HTR2C: variants seen among roughly 807,000 people sequenced by gnomAD.
HTR2C encodes 5-hydroxytryptamine (serotonin) receptor 2C, G protein-coupled.
HTR2C carries 5 observed loss-of-function variants against 21.0 expected under a neutral mutation model. That is an observed-to-expected ratio of 0.24 (90% CI 0.12 to 0.50). HTR2C has a LOEUF of 0.50. Ranked by LOEUF, HTR2C falls within the 20% of genes least tolerant of loss-of-function variation. The pLI is 0.98. For synonymous variants in HTR2C, 150 were observed against 145.3 expected, an observed-to-expected ratio of 1.03 and a Z score of -0.23; for missense variants, 271 against 371.2, an observed-to-expected ratio of 0.73 and a Z score of 2.22.
chrX:114,867,709 T>C (rs1487119100), intron 5 of HTR2C, among the ~76,000 whole-genome samples: 6 of 112,135 alleles, frequency 5.4e-5, no homozygotes, highest in Non-Finnish European at 1.1e-4. Flanking sequence ...GGTCTAGTTC[T>C]ATTATTCTGC....
intron 5 of HTR2C, among the ~76,000 whole-genome samples, chrX:114,887,033 T>C (rs148796961): frequency 0.026 from 2,967 of 112,082 alleles, 116 homozygotes; most frequent in African/African-American, 0.092. Flanking sequence ...AATGGGAATA[T>C]GCATGCCATA....
intron 5 of HTR2C, among the ~76,000 whole-genome samples, chrX:114,892,677 T>C (rs1285675701): frequency 9.1e-6 from 1 of 110,352 alleles, no homozygotes; most frequent in Non-Finnish European, 1.9e-5. Flanking sequence ...ATAAAAAATA[T>C]AGTACCCTTA....
Position 114,906,569 on chromosome X carries a change from C to T in HTR2C, c.551-20C>T, listed in dbSNP as rs1556486711. On this transcript the variant is annotated intron_variant, in intron 5 of 5. Transcript: ENST00000276198. ...TCCTTCAAGATGCTATAACAACCCC[C>T]TTCCTTTTTCTTCCTTTAGGTGTAT... 1 of 1,091,467 alleles carries T rather than the reference C, an allele frequency of 9.2e-7. No homozygotes were observed. The allele number at this position is 1,091,467 out of a possible 1,213,427, so 89.9% of individuals were successfully genotyped here.
chrX:114,679,501 A>G (rs1931679818), intron 2 of HTR2C, among the ~76,000 whole-genome samples: 1 of 110,223 alleles, frequency 9.1e-6, no homozygotes, highest in Admixed American at 9.8e-5. Context: ...CTGGTCTTGA[A>G]TTCCCGGACT....
chrX:114,731,929 G>A (rs1458665354), intron 4 of HTR2C, among the ~76,000 whole-genome samples: 1 of 111,569 alleles, frequency 9.0e-6, no homozygotes, highest in Non-Finnish European at 1.9e-5. Context: ...TTCAACCCCT[G>A]TGTTCTGGGC....
intron 2 of HTR2C, among the ~76,000 whole-genome samples, chrX:114,630,465 C>T: frequency 8.9e-6 from 1 of 111,906 alleles, no homozygotes; most frequent in Non-Finnish European, 1.9e-5. Flanking sequence ...GGACTAGACT[C>T]TTTGCAAGTT....
chrX:114,589,277 C>A (rs1927532355), intron 1 of HTR2C, among the ~76,000 whole-genome samples: 1 of 111,588 alleles, frequency 9.0e-6, no homozygotes, highest in South Asian at 3.8e-4. Flanking sequence ...AGAAGTAGAG[C>A]AAATGAGAAT....
intron 5 of HTR2C, among the ~76,000 whole-genome samples, chrX:114,882,190 C>T (rs1385273919): frequency 9.1e-6 from 1 of 110,395 alleles, no homozygotes; most frequent in Non-Finnish European, 1.9e-5. Context: ...ATTATGTATA[C>T]TTATTTTATA....
chrX:114,859,077 G>A (rs1490949259), intron 5 of HTR2C, among the ~76,000 whole-genome samples: 1 of 109,442 alleles, frequency 9.1e-6, no homozygotes, highest in Non-Finnish European at 1.9e-5. Flanking sequence ...TAGTTAGGAT[G>A]TTTTAATCCA....
chrX:114,856,214 A>G (rs1311623764), intron 5 of HTR2C, among the ~76,000 whole-genome samples: 1 of 107,543 alleles, frequency 9.3e-6, no homozygotes, highest in Non-Finnish European at 1.9e-5. Context: ...GTGAACTCCC[A>G]TTCACAATTG....
At chrX:114,840,715 T>G (rs1556465348) in intron 4 of HTR2C, among the ~76,000 whole-genome samples, 1 of 111,983 alleles carries the variant, frequency 8.9e-6, no homozygotes. Context: ...TTCTGATGAT[T>G]AATCTAAGAA....
intron 2 of HTR2C, among the ~76,000 whole-genome samples, chrX:114,688,736 G>A (rs1389887366): frequency 8.9e-6 from 1 of 111,783 alleles, no homozygotes; most frequent in African/African-American, 3.3e-5. Flanking sequence ...TAACAAATCA[G>A]ACTGAACAGA....
At chrX:114,641,965 A>G (rs1228859212) in intron 2 of HTR2C, among the ~76,000 whole-genome samples, 1 of 110,724 alleles carries the variant, frequency 9.0e-6, no homozygotes, top group Non-Finnish European at 1.9e-5. Context: ...CTCACTGTTC[A>G]GCTCCCACTT....
chrX:114,604,447 G>C lies in HTR2C; in HGVS notation c.-146-9368G>C, dbSNP rs184650093. Among the ~76,000 whole-genome samples the C allele has an allele frequency of 2.2e-3, 240 of 110,030 alleles. 2 individuals are homozygous for C. The highest frequency in any genetic ancestry group is 5.5e-3 in the Admixed American group (57 of 10,381). On this transcript the variant is annotated intron_variant, in intron 1 of 5. Coordinates refer to ENST00000276198, the MANE Select transcript of HTR2C (RefSeq NM_000868.4). ...CTTGAAAAGAAGGTAATGTGGAGTGGGTAGCCTCCGTATTGATTAAGAAGG... is the reference window on the plus strand; with the variant it reads ...CTTGAAAAGAAGGTAATGTGGAGTGCGTAGCCTCCGTATTGATTAAGAAGG...
intron 4 of HTR2C, among the ~76,000 whole-genome samples, chrX:114,761,570 C>T (rs5987818): frequency 0.031 from 3,449 of 110,567 alleles, 151 homozygotes; most frequent in African/African-American, 0.11. Context: ...ATTTCACATG[C>T]GTTAACTCAT....
At chrX:114,777,118 ATTAGGTACTAAAAAGTTGATCTAT>A (rs1556438845) in intron 4 of HTR2C, among the ~76,000 whole-genome samples, 1 of 112,188 alleles carries the variant, frequency 8.9e-6, no homozygotes, top group African/African-American at 3.2e-5. Context: ...AAGTATTGTG[ATTAGGTACTAAAAAGTTGATCTAT>A]TTCCATACTT....
chrX:114,632,590 T>C (rs782029059), intron 2 of HTR2C, among the ~76,000 whole-genome samples: 1 of 112,027 alleles, frequency 8.9e-6, no homozygotes, highest in Non-Finnish European at 1.9e-5. Flanking sequence ...TAATGAGTTC[T>C]TTATGCCATA....
chrX:114,605,443 G>A (rs1478205480), intron 1 of HTR2C, among the ~76,000 whole-genome samples: 1 of 111,039 alleles, frequency 9.0e-6, no homozygotes, highest in Admixed American at 9.6e-5. Context: ...GTACTGAGGG[G>A]ACAGGCGGGA....
chrX:114,595,944 T>G (rs1556392503), intron 1 of HTR2C, among the ~76,000 whole-genome samples: 1 of 111,944 alleles, frequency 8.9e-6, no homozygotes, highest in Non-Finnish European at 1.9e-5. Flanking sequence ...TTCAAAAGAG[T>G]GCTTCAACTT....
Sources: allele counts gnomAD v4.1 joint callset (sites outside exome capture counted in the v4.1 genomes callset), GRCh38; gene constraint gnomAD v4.1.1; transcripts MANE v1.5; gene names NCBI Gene and HGNC (gene_info 2026-07-23, HGNC 2026-07-21).